PARD3: variants seen among roughly 807,000 people sequenced by gnomAD.
PARD3 encodes the protein partitioning defective 3 homolog.
In PARD3, 75 loss-of-function variants were observed where a neutral mutation model predicts 155.4. The observed-to-expected ratio is 0.48, with a 90% CI of 0.40 to 0.58. The LOEUF (loss-of-function observed/expected upper bound fraction) is 0.58. PARD3 is among the 20% of genes least tolerant of loss of function. The probability of loss-of-function intolerance (pLI) is 0.00; values close to 1 mark genes in which losing one functional copy is unlikely to be tolerated. For synonymous variants in PARD3, 576 were observed against 610.5 expected (o/e 0.94, Z 0.83); for missense variants, 1,642 against 1,721.7 (o/e 0.95, Z 0.82).
intron 14 of PARD3, among the ~76,000 whole-genome samples, chr10:34,352,497 C>T (rs907464689): frequency 2.6e-5 from 4 of 152,210 alleles, no homozygotes; most frequent in Admixed American, 1.3e-4. Context: ...AGGCACGCGC[C>T]GCCACGCCTG....
intron 20 of PARD3, among the ~76,000 whole-genome samples, chr10:34,302,677 G>A (rs184935691): frequency 7.2e-5 from 11 of 152,286 alleles, no homozygotes; most frequent in Admixed American, 3.3e-4. Flanking sequence ...AAGGTAGGAT[G>A]TATTTCTTCT....
chr10:34,201,642 G>A (rs1951217639), intron 22 of PARD3, among the ~76,000 whole-genome samples: 1 of 151,882 alleles, frequency 6.6e-6, no homozygotes, highest in Non-Finnish European at 1.5e-5. Context: ...GACTTTTTTT[G>A]TGGTATGAAG....
At position 34,111,173 on chromosome 10, in the gene PARD3, G is replaced by A; in HGVS notation, c.4058C>T (p.Ser1353Phe). The stretch of plus-strand genomic sequence containing the variant: ...AAGCATCCGTTATTTGCGTGCTCAG[G>A]AATAGAAGGGCCTCCCTTTCTCAGG... ...QTPEKGRPFY[S>F] The change falls in exon 25 of 25, where the codon TCC becomes TTC. Residue 1353 changes from serine to phenylalanine, a missense_variant. Ser to Phe is a radical substitution (Grantham distance 155, BLOSUM62 -2). Coordinates refer to ENST00000374788, the MANE Select transcript of PARD3 (RefSeq NM_001184785.2). The A allele has an allele frequency of 6.5e-7, 1 of 1,548,088 alleles. No homozygotes were observed. The highest frequency in any genetic ancestry group is 8.7e-7 in the Non-Finnish European group (1 of 1,145,578).
chr10:34,747,458 T>TA (rs1049163470), intron 1 of PARD3, among the ~76,000 whole-genome samples: 1 of 152,138 alleles, frequency 6.6e-6, no homozygotes, highest in African/African-American at 2.4e-5. Context: ...TCTCCTACTT[T>TA]AAAAAAAGAA....
At chr10:34,183,527 A>G (rs1350948219) in intron 22 of PARD3, among the ~76,000 whole-genome samples, 1 of 152,198 alleles carries the variant, frequency 6.6e-6, no homozygotes, top group Non-Finnish European at 1.5e-5. Context: ...GGGTCTACCT[A>G]ACACGGCCAA....
chr10:34,350,508 C>T (rs187391330), intron 14 of PARD3, among the ~76,000 whole-genome samples: 2 of 152,070 alleles, frequency 1.3e-5, no homozygotes, highest in East Asian at 3.9e-4. Flanking sequence ...GTGGCGGGCA[C>T]CTGTAATTCC....
At chr10:34,624,469 T>C (rs907949818) in intron 2 of PARD3, among the ~76,000 whole-genome samples, 5 of 152,248 alleles carry the variant, frequency 3.3e-5, no homozygotes, top group African/African-American at 9.6e-5. Context: ...TCCCTGTTCA[T>C]GTACCCAGAG....
At chr10:34,270,109 A>T (rs1033367463) in intron 21 of PARD3, among the ~76,000 whole-genome samples, 1 of 151,488 alleles carries the variant, frequency 6.6e-6, no homozygotes, top group African/African-American at 2.4e-5. Flanking sequence ...CCCTTTGTTC[A>T]TGTCTACAAG....
At chr10:34,355,428 T>A (rs1337591775) in intron 14 of PARD3, among the ~76,000 whole-genome samples, 1 of 152,212 alleles carries the variant, frequency 6.6e-6, no homozygotes, top group Non-Finnish European at 1.5e-5. Flanking sequence ...CCCAGATCTC[T>A]GCCTTCTACA....
intron 2 of PARD3, among the ~76,000 whole-genome samples, chr10:34,569,427 A>T (rs751545374): frequency 3.6e-4 from 54 of 152,098 alleles, no homozygotes; most frequent in Admixed American, 2.0e-3. Flanking sequence ...ATATATATAT[A>T]TTTTTTTGGA....
At chr10:34,156,364 T>C (rs1392090913) in intron 22 of PARD3, among the ~76,000 whole-genome samples, 1 of 152,166 alleles carries the variant, frequency 6.6e-6, no homozygotes, top group Non-Finnish European at 1.5e-5. Context: ...CCCAAAGTGC[T>C]AGAATTACAG....
intron 2 of PARD3, among the ~76,000 whole-genome samples, chr10:34,693,794 G>A (rs1234712824): frequency 1.3e-5 from 2 of 152,090 alleles, no homozygotes; most frequent in Admixed American, 6.6e-5. Flanking sequence ...TTACACCACT[G>A]CACTCCAGCC....
At position 34,382,774 on chromosome 10, in the gene PARD3, T is replaced by C. The variant is rs753412765; in HGVS notation, c.1165A>G (p.Ile389Val). The change falls in exon 9 of 25, where the codon ATT becomes GTT. Residue 389 changes from isoleucine to valine, a missense_variant. Coordinates refer to ENST00000374788, the MANE Select transcript of PARD3 (RefSeq NM_001184785.2). ...GCACTGTTCACACTCCTGTTGTCAA[T>C]ATACTGGCTGTCAGGGCTAAAACGG... ...SSRFSPDSQY[I>V]DNRSVNSAGL... 10 of 1,614,096 alleles carry C rather than the reference T, an allele frequency of 6.2e-6. No homozygotes were observed. Among genetic ancestry groups the C allele is most frequent in the African/African-American group, 1.3e-5 (1 of 74,926 alleles).
At chr10:34,403,052 G>C (rs1485739682) in intron 5 of PARD3, among the ~76,000 whole-genome samples, 3 of 152,130 alleles carry the variant, frequency 2.0e-5, no homozygotes, top group African/African-American at 7.2e-5. Context: ...CACAATGATG[G>C]AGGCATAGTC....
At chr10:34,360,852 T>C (rs1313514401) in intron 12 of PARD3, among the ~76,000 whole-genome samples, 1 of 152,222 alleles carries the variant, frequency 6.6e-6, no homozygotes, top group African/African-American at 2.4e-5. Flanking sequence ...CACAATATTG[T>C]AGCATACATA....
In PARD3 at chr10:34,586,546, GA is replaced by G. The variant is rs1267480172; in HGVS notation, c.223-69388del. Among the ~76,000 whole-genome samples, 8 of 152,158 alleles carry G rather than the reference GA, an allele frequency of 5.3e-5. No homozygotes were observed. In the South Asian group the frequency reaches 6.2e-4, roughly 12 times the overall value. ...CTGAGCCATAAGAACACTATAGGGG[GA>G]AAAAATATACTCTGACAGCCTTTGG... On this transcript the variant is annotated intron_variant, in intron 2 of 24. Transcript: ENST00000374788.
chr10:34,362,176 G>A (rs950912553), intron 12 of PARD3, among the ~76,000 whole-genome samples: 1 of 152,148 alleles, frequency 6.6e-6, no homozygotes, highest in Non-Finnish European at 1.5e-5. Context: ...GCGGGCACCT[G>A]TAGTCCCAGC....
At chr10:34,410,061 G>T (rs1031164961) in intron 5 of PARD3, among the ~76,000 whole-genome samples, 8 of 152,094 alleles carry the variant, frequency 5.3e-5, no homozygotes, top group Non-Finnish European at 1.0e-4. Flanking sequence ...GAAGTACTCA[G>T]AAAACTGTCT....
chr10:34,511,939 C>A (rs1039149499), intron 3 of PARD3, among the ~76,000 whole-genome samples: 1 of 152,060 alleles, frequency 6.6e-6, no homozygotes, highest in Non-Finnish European at 1.5e-5. Context: ...ATTACCAGCC[C>A]GGGCTGTTAA....
Sources: gnomAD v4.1 joint callset for allele counts (sites outside exome capture counted in the v4.1 genomes callset) on GRCh38, gnomAD v4.1.1 for gene constraint, MANE v1.5 for transcripts, NCBI Gene and HGNC (gene_info 2026-07-23, HGNC 2026-07-21) for gene names.